Variants in SEPTIN7 observed in about 807,000 individuals in gnomAD.
The protein encoded by SEPTIN7 is septin-7.
A neutral mutation model predicts 63.3 loss-of-function variants in SEPTIN7; 10 were observed. That is an observed-to-expected ratio of 0.16 (90% confidence interval 0.10 to 0.27). SEPTIN7 has a LOEUF of 0.27. SEPTIN7 is among the 10% of genes least tolerant of loss of function. The probability of loss-of-function intolerance (pLI) is 1.00; values close to 1 mark genes in which losing one functional copy is unlikely to be tolerated. For missense variants in SEPTIN7, 310 were observed against 521.0 expected, an observed-to-expected ratio of 0.59 and a Z score of 3.94; for synonymous variants, 131 against 165.3, an observed-to-expected ratio of 0.79 and a Z score of 1.59.
intron 1 of SEPTIN7, among the ~76,000 whole-genome samples, chr7:35,801,699 C>T (rs547196256): frequency 3.9e-5 from 6 of 152,264 alleles, no homozygotes; most frequent in South Asian, 2.1e-4. Flanking sequence ...CGGCAGAAGT[C>T]CCCTCGTGGG....
chr7:35,852,886 T>C (rs1369714036), intron 3 of SEPTIN7, among the ~76,000 whole-genome samples: 3 of 152,204 alleles, frequency 2.0e-5, no homozygotes, highest in Non-Finnish European at 4.4e-5. Context: ...ATCAGTGTTA[T>C]TCTTGAAAGG....
intron 3 of SEPTIN7, among the ~76,000 whole-genome samples, chr7:35,853,130 T>C (rs539467781): frequency 5.3e-5 from 8 of 152,276 alleles, no homozygotes; most frequent in African/African-American, 1.9e-4. Flanking sequence ...TTGAAGCTCA[T>C]TGTGGTTAGT....
chr7:35,893,020 G>A (rs1178083383), intron 11 of SEPTIN7, among the ~76,000 whole-genome samples: 1 of 152,078 alleles, frequency 6.6e-6, no homozygotes, highest in African/African-American at 2.4e-5. Context: ...ACATTGTCTT[G>A]AAAATGTTAG....
At chr7:35,835,384 G>T (rs1273118383) in intron 3 of SEPTIN7, among the ~76,000 whole-genome samples, 1 of 152,122 alleles carries the variant, frequency 6.6e-6, no homozygotes. Context: ...TACTTTATGG[G>T]CATTATCTGC....
intron 11 of SEPTIN7, among the ~76,000 whole-genome samples, chr7:35,894,154 T>C (rs900058185): frequency 1.3e-5 from 2 of 150,570 alleles, no homozygotes; most frequent in African/African-American, 4.9e-5. Context: ...TAAACTTCCT[T>C]CTTGAAGTTT....
intron 11 of SEPTIN7, among the ~76,000 whole-genome samples, chr7:35,897,874 A>G (rs1445499128): frequency 6.6e-6 from 1 of 152,166 alleles, no homozygotes; most frequent in East Asian, 1.9e-4. Context: ...AATATTCTAC[A>G]TATGTTAACT....
At chr7:35,809,828 C>G (rs1275950200) in intron 1 of SEPTIN7, among the ~76,000 whole-genome samples, 6 of 152,180 alleles carry the variant, frequency 3.9e-5, no homozygotes, top group African/African-American at 1.2e-4. Flanking sequence ...TGATAATTCT[C>G]TCTGTTGAGA....
intron 3 of SEPTIN7, among the ~76,000 whole-genome samples, chr7:35,836,900 C>T (rs552211046): frequency 6.6e-6 from 1 of 152,052 alleles, no homozygotes. Context: ...TTTCCTTGAG[C>T]TCTGTATTTT....
chr7:35,863,432 C>G, intron 3 of SEPTIN7, 120 bp from the exon 4 acceptor site: 1 of 595,836 alleles, frequency 1.7e-6, no homozygotes. Context: ...TTTCTAATGT[C>G]ATTTCATTGT....
At chr7:35,888,697 G>A (rs1787434275) in intron 10 of SEPTIN7, 1 of 194,846 alleles carries the variant, frequency 5.1e-6, no homozygotes, top group African/African-American at 2.3e-5. Context: ...GTGCATGCCT[G>A]TAGTCCCAGC....
chr7:35,879,788 A>T (rs774163973), intron 6 of SEPTIN7, 35 bp from the exon 7 acceptor site: 12 of 1,168,212 alleles, frequency 1.0e-5, no homozygotes, highest in Non-Finnish European at 1.4e-5. Context: ...TCCCAAACTG[A>T]TCAATTCAGT....
At chr7:35,823,560 C>T (rs1783344932) in intron 1 of SEPTIN7, among the ~76,000 whole-genome samples, 1 of 152,198 alleles carries the variant, frequency 6.6e-6, no homozygotes, top group Admixed American at 6.5e-5. Flanking sequence ...TCTCCATTTT[C>T]ATTCACTGAA....
chr7:35,803,118 A>T (rs1788104962), intron 1 of SEPTIN7: 1 of 946,998 alleles, frequency 1.1e-6, no homozygotes. Flanking sequence ...TTTAAAAAGA[A>T]AGGATATTGT....
At chr7:35,844,441 A>G (rs1298945498) in intron 3 of SEPTIN7, among the ~76,000 whole-genome samples, 1 of 150,822 alleles carries the variant, frequency 6.6e-6, no homozygotes, top group Non-Finnish European at 1.5e-5. Flanking sequence ...AGCCTTCTGT[A>G]TTTAACTTTA....
intron 3 of SEPTIN7, among the ~76,000 whole-genome samples, chr7:35,844,555 G>A (rs1784561993): frequency 6.6e-6 from 1 of 152,104 alleles, no homozygotes; most frequent in African/African-American, 2.4e-5. Flanking sequence ...TATGACCCTG[G>A]ACAGATCACT....
chr7:35,883,605 C>G (rs924233621), intron 8 of SEPTIN7, among the ~76,000 whole-genome samples: 1 of 147,410 alleles, frequency 6.8e-6, no homozygotes, highest in Non-Finnish European at 1.5e-5. Context: ...AGGTATGGGA[C>G]AACTTTCTGT....
chr7:35,874,865 T>C (rs927792182), intron 6 of SEPTIN7, among the ~76,000 whole-genome samples: 21 of 152,138 alleles, frequency 1.4e-4, no homozygotes, highest in Admixed American at 1.1e-3. Flanking sequence ...CTTAAAAGGC[T>C]CAAAAAAAGT....
intron 1 of SEPTIN7, among the ~76,000 whole-genome samples, chr7:35,820,066 T>C (rs1286328916): frequency 6.6e-6 from 1 of 152,128 alleles, no homozygotes; most frequent in African/African-American, 2.4e-5. Context: ...GTTGACAGTC[T>C]TTTTCTTTCA....
Position 35,906,111 on chromosome 7 carries a change from G to T in SEPTIN7, c.*1818G>T, listed in dbSNP as rs1181980671. The T allele has an allele frequency of 1.3e-5, 2 of 152,122 alleles. No homozygotes were observed. The highest frequency in any genetic ancestry group is 4.8e-5 in the African/African-American group (2 of 41,408). The allele number at this position is 152,122 out of a possible 1,614,324, so 9.4% of individuals were successfully genotyped here. ...TTAGGGAGGCTAACAATAACCTACT[G>T]AATTTGGAAAATGCAAAGGTAAAAA... is the stretch of plus-strand genomic sequence containing the variant. On this transcript the variant is annotated 3_prime_UTR_variant, in exon 14 of 14. Transcript: ENST00000350320.
Sources: gnomAD v4.1 joint callset for allele counts (sites outside exome capture counted in the v4.1 genomes callset) on GRCh38, gnomAD v4.1.1 for gene constraint, MANE v1.5 for transcripts, NCBI Gene and HGNC (gene_info 2026-07-23, HGNC 2026-07-21) for gene names.